RPH3AL: variants seen among roughly 807,000 people sequenced by gnomAD.
RPH3AL encodes rabphilin 3A like (without C2 domains), also known as rab effector Noc2.
In RPH3AL, 38 loss-of-function variants were observed where a neutral mutation model predicts 43.1. The ratio of observed to expected loss-of-function variants is 0.88; its 90% CI spans 0.68 to 1.15. RPH3AL has a LOEUF of 1.15. RPH3AL is among the 50% of genes most tolerant of loss of function. The probability of loss-of-function intolerance (pLI) is 0.00; values close to 1 mark genes in which losing one functional copy is unlikely to be tolerated. For missense variants in RPH3AL, 462 were observed against 423.2 expected (o/e 1.09, Z -0.81); for synonymous variants, 189 against 176.3 (o/e 1.07, Z -0.57).
At chr17:293,710 G>C (rs1398656572) in intron 5 of RPH3AL, among the ~76,000 whole-genome samples, 19 of 152,298 alleles carry the variant, frequency 1.2e-4, no homozygotes, top group Non-Finnish European at 4.4e-5. Context: ...GGCTAAATCA[G>C]AAGGTGGGAG....
In RPH3AL at chr17:274,913, G is replaced by A. The variant is rs1011906963; in HGVS notation, c.438+6855C>T. Among the ~76,000 whole-genome samples, 2 of 152,134 alleles carry A rather than the reference G, an allele frequency of 1.3e-5. No individual in the cohort carries two copies. The highest frequency in any genetic ancestry group is 4.8e-5 in the African/African-American group (2 of 41,412). On this transcript the variant is annotated intron_variant, in intron 6 of 9. Transcript: ENST00000331302. This position sits in a 1 kb window ranked among gnomAD's most constrained non-coding sequence, Gnocchi z 4.7. ...AAAATAGAAAACCAAAAGAAGAAAA[G>A]GAGCAAAATAAAGGAAATAATGGAG...
At chr17:311,107 C>A (rs557987143) in intron 5 of RPH3AL, among the ~76,000 whole-genome samples, 5 of 152,156 alleles carry the variant, frequency 3.3e-5, no homozygotes, top group Admixed American at 2.0e-4. Flanking sequence ...AAATGCAGCT[C>A]GTCCCCTGAA....
At chr17:258,701 C>G (rs2042125751) in intron 6 of RPH3AL, among the ~76,000 whole-genome samples, 2 of 152,042 alleles carry the variant, frequency 1.3e-5, no homozygotes, top group Non-Finnish European at 2.9e-5. Flanking sequence ...AGCACAGGAC[C>G]CAAAGCATCA....
chr17:299,256 C>T (rs2043261002), intron 5 of RPH3AL, among the ~76,000 whole-genome samples: 1 of 151,684 alleles, frequency 6.6e-6, no homozygotes, highest in South Asian at 2.1e-4. Flanking sequence ...GGCCCGAATG[C>T]CGCTGCTGTC....
chr17:247,922 G>A (rs576039946), intron 6 of RPH3AL, among the ~76,000 whole-genome samples: 30 of 152,224 alleles, frequency 2.0e-4, no homozygotes, highest in African/African-American at 7.0e-4. Context: ...CCCGCCAGCT[G>A]ACCTCCCGGG....
At chr17:232,844 GTGTGTGTGTGTGTGTGTGTGT>G (rs1336769161) in intron 7 of RPH3AL, among the ~76,000 whole-genome samples, 1 of 44,866 alleles carries the variant, frequency 2.2e-5, no homozygotes, top group Non-Finnish European at 4.5e-5. Flanking sequence ...GTGTGTGTGT[GTGTGTGTGTGTGTGTGTGTGT>G]GTGTGTGTGT....
chr17:335,222 G>C (rs538920295), intron 1 of RPH3AL, among the ~76,000 whole-genome samples: 143 of 152,260 alleles, frequency 9.4e-4, no homozygotes, highest in African/African-American at 3.2e-3. Flanking sequence ...GCAGGTGTCC[G>C]GGTGAGACTA....
intron 7 of RPH3AL, among the ~76,000 whole-genome samples, chr17:221,680 G>A (rs111764229): frequency 0.055 from 6,110 of 110,350 alleles, 2 homozygotes; most frequent in Non-Finnish European, 0.076. Flanking sequence ...TCAGCTCTGA[G>A]GGCTCCACTC....
intron 6 of RPH3AL, among the ~76,000 whole-genome samples, chr17:265,322 C>T (rs1555547639): frequency 6.6e-6 from 1 of 152,166 alleles, no homozygotes; most frequent in African/African-American, 2.4e-5. Context: ...TCTCAGACTC[C>T]TATACTCAAG....
chr17:238,424 G>C (rs962600649), intron 7 of RPH3AL, among the ~76,000 whole-genome samples: 15 of 126,412 alleles, frequency 1.2e-4, no homozygotes, highest in African/African-American at 3.5e-4. Flanking sequence ...AGGTTGAAGA[G>C]AAGAAGCCGC....
intron 7 of RPH3AL, among the ~76,000 whole-genome samples, chr17:235,744 C>T (rs149785502): frequency 0.059 from 3,436 of 58,260 alleles, 34 homozygotes; most frequent in Middle Eastern, 0.098. Context: ...ACTAACAAGA[C>T]GGATCCAGGG....
In RPH3AL at chr17:215,990, CT is replaced by C. The variant is rs2040792265; in HGVS notation, c.728-189del. On this transcript the variant is annotated intron_variant, in intron 8 of 9. Coordinates refer to ENST00000331302, the MANE Select transcript of RPH3AL (RefSeq NM_006987.4). This position sits in a 1 kb window ranked among gnomAD's most constrained non-coding sequence, Gnocchi z 4.1. ...CTCTGGCCTGACCCCACCCACATGGCTGCCGGGCTCTGGCCTGACCCCACCC... is the reference window on the plus strand; with the variant it reads ...CTCTGGCCTGACCCCACCCACATGGCGCCGGGCTCTGGCCTGACCCCACCC... 1 of 412,890 alleles carries C rather than the reference CT, an allele frequency of 2.4e-6. No individual in the cohort carries two copies. The highest frequency in any genetic ancestry group is 5.2e-5 in the South Asian group (1 of 19,214). The allele number at this position is 412,890 out of a possible 1,614,324, so 25.6% of individuals were successfully genotyped here.
In RPH3AL at chr17:245,955, G is replaced by A. The variant is rs1457902651; in HGVS notation, c.613+1156C>T. On this transcript the variant is annotated intron_variant, in intron 7 of 9. Transcript: ENST00000331302. The surrounding 1 kb of genome is among the most constrained non-coding windows in gnomAD (Gnocchi z 5.9). ...CGCAGCATCCGGTAGGACCAGCGAG[G>A]AGAGGCTGCTATGAGGGAGTCGGGG... Among the ~76,000 whole-genome samples the A allele has an allele frequency of 6.6e-6, 1 of 152,174 alleles. No homozygotes were observed. Among genetic ancestry groups the A allele is most frequent in the Non-Finnish European group, 1.5e-5 (1 of 68,030 alleles).
At position 289,572 on chromosome 17, in the gene RPH3AL, C is replaced by A. The variant is rs997757552; in HGVS notation, c.352-7718G>T. Among the ~76,000 whole-genome samples the A allele has an allele frequency of 1.3e-5, 2 of 152,308 alleles. No individual in the cohort carries two copies. The highest frequency in any genetic ancestry group is 2.4e-5 in the African/African-American group (1 of 41,558). On this transcript the variant is annotated intron_variant, in intron 5 of 9. Coordinates refer to ENST00000331302, the MANE Select transcript of RPH3AL (RefSeq NM_006987.4). This position sits in a 1 kb window ranked among gnomAD's most constrained non-coding sequence, Gnocchi z 5.2. The stretch of plus-strand genomic sequence containing the variant: ...TCAAGAGGCAAATCTAATCATGTCA[C>A]CTCTCCCATCCCTCCCAACTTAAAA...
At chr17:272,995 T>A (rs8079261) in intron 6 of RPH3AL, among the ~76,000 whole-genome samples, 6,037 of 30,954 alleles carry the variant, frequency 0.2, 572 homozygotes, top group African/African-American at 0.33. Flanking sequence ...TACGTCAGGG[T>A]GAGACCCCAG....
chr17:227,519 T>C (rs1400650552), intron 7 of RPH3AL, among the ~76,000 whole-genome samples: 2 of 152,136 alleles, frequency 1.3e-5, no homozygotes, highest in Non-Finnish European at 2.9e-5. Flanking sequence ...CCACCACCTG[T>C]CTCTGTGGCC....
rs958989759 is a variant in RPH3AL at position 291,879 on chromosome 17, T to C, written c.352-10025A>G. Reference sequence around the variant, plus strand: ...GCCTACATCTATGGAGGAGTCTATATATACACAGAGGACAATCTAGAAAGA... The same window carrying C: ...GCCTACATCTATGGAGGAGTCTATACATACACAGAGGACAATCTAGAAAGA... On this transcript the variant is annotated intron_variant, in intron 5 of 9. Transcript: ENST00000331302. Among the ~76,000 whole-genome samples the C allele has an allele frequency of 2.0e-5, 3 of 152,216 alleles. No homozygotes were observed. The East Asian group carries it at 5.8e-4, about 29-fold the overall frequency.
At chr17:233,586 C>T (rs1427781322) in intron 7 of RPH3AL, among the ~76,000 whole-genome samples, 1 of 152,166 alleles carries the variant, frequency 6.6e-6, no homozygotes, top group Non-Finnish European at 1.5e-5. Context: ...CTCCCACTGG[C>T]CAGGTGCAAA....
chr17:343,131 G>T (rs1451347070), intron 1 of RPH3AL, among the ~76,000 whole-genome samples: 2 of 152,108 alleles, frequency 1.3e-5, no homozygotes, highest in African/African-American at 4.8e-5. Context: ...ACCTTGCAAG[G>T]TCCCACTTGC....
Sources: gnomAD v4.1 joint callset for allele counts (sites outside exome capture counted in the v4.1 genomes callset) on GRCh38, gnomAD v4.1.1 for gene constraint, Gnocchi (gnomAD v3.1) non-coding constraint, MANE v1.5 for transcripts, NCBI Gene and HGNC (gene_info 2026-07-23, HGNC 2026-07-21) for gene names.